Variants in PCED1B observed in about 807,000 individuals in gnomAD.
PCED1B encodes the protein PC-esterase domain-containing protein 1B.
For missense variants in PCED1B, 573 were observed against 573.9 expected (o/e 1.00, Z 0.02); for synonymous variants, 251 against 246.1 (o/e 1.02, Z -0.19).
intron 2 of PCED1B, among the ~76,000 whole-genome samples, chr12:47,194,679 T>C (rs1266559580): frequency 1.3e-5 from 2 of 152,212 alleles, no homozygotes; most frequent in African/African-American, 4.8e-5. Flanking sequence ...GTACTCCAGT[T>C]AATATCCTCA....
Position 47,236,042 on chromosome 12 carries a change from C to T in PCED1B, c.979C>T (p.His327Tyr). Residue 327 changes from histidine (H) to tyrosine (Y), a missense_variant, in exon 4 of 4, where the codon CAC (histidine) becomes TAC (tyrosine). By Grantham distance (83) the His-to-Tyr change is moderately conservative. Coordinates refer to ENST00000546455, the MANE Select transcript of PCED1B (RefSeq NM_138371.3). ...ACAGCCTCCTCCTCCCATTCTCCAT[C>T]ACCAGGGAATGCCCCGGTTCCCACA... ...SPQPPPPILH[H>Y]QGMPRFPQGP... is the part of the protein sequence containing the mutation. The T allele has an allele frequency of 2.5e-6, 4 of 1,614,004 alleles. No homozygotes were observed. Among genetic ancestry groups the T allele is most frequent in the African/African-American group, 1.3e-5 (1 of 75,006 alleles).
chr12:47,231,384 G>T lies in PCED1B; in HGVS notation c.-57-3623G>T, dbSNP rs55835639. 3.2e-5 allele frequency among the ~76,000 whole-genome samples: 4 copies of T among 124,018 alleles called. No homozygotes were observed. In the Admixed American group the frequency reaches 3.7e-4, roughly 11 times the overall value. The allele number at this position is 124,018 out of a possible 152,430, so 81.4% of individuals were successfully genotyped here. A position where few individuals can be genotyped will look rare whatever the true frequency, so the allele number is the denominator to read the frequency against. ...GGGGGTAGTAAATTCCAGGGGAGTC[G>T]CTAGGAGATAATTGGAGAGGGTGCT... On this transcript the variant is annotated intron_variant, in intron 3 of 3. Coordinates refer to ENST00000546455, the MANE Select transcript of PCED1B (RefSeq NM_138371.3).
intron 1 of PCED1B, among the ~76,000 whole-genome samples, chr12:47,082,701 G>T (rs1937802154): frequency 6.6e-6 from 1 of 152,114 alleles, no homozygotes; most frequent in Non-Finnish European, 1.5e-5. Context: ...CTATAACCCA[G>T]ATGGTAAACA....
Position 47,234,995 on chromosome 12 carries a change from C to T in PCED1B, c.-57-12C>T, listed in dbSNP as rs1943926730. 7.0e-7 allele frequency: 1 copy of T among 1,428,266 alleles called. No homozygotes were observed. The highest frequency in any genetic ancestry group is 9.4e-7 in the Non-Finnish European group (1 of 1,064,364). The allele number at this position is 1,428,266 out of a possible 1,614,324, so 88.5% of individuals were successfully genotyped here. A position where few individuals can be genotyped will look rare whatever the true frequency, so the allele number is the denominator to read the frequency against. ...GTGAGTCCCTCCCAGCCCTTCTCTC[C>T]TTCTGTCCTAGCCATCCGCAGAGCC... On this transcript the variant is annotated splice_polypyrimidine_tract_variant and intron_variant, in intron 3 of 3. Transcript: ENST00000546455.
At chr12:47,208,121 T>C (rs1201068266) in intron 2 of PCED1B, among the ~76,000 whole-genome samples, 3 of 152,218 alleles carry the variant, frequency 2.0e-5, no homozygotes, top group Admixed American at 2.0e-4. Context: ...GTCTTGATTC[T>C]GTGACTCCAC....
chr12:47,181,056 C>T (rs915603944), intron 2 of PCED1B, among the ~76,000 whole-genome samples: 1 of 151,578 alleles, frequency 6.6e-6, no homozygotes. Flanking sequence ...ACAATCATGG[C>T]TCACTACAGC....
intron 1 of PCED1B, among the ~76,000 whole-genome samples, chr12:47,099,870 G>A (rs1469727247): frequency 1.3e-5 from 2 of 152,160 alleles, no homozygotes; most frequent in African/African-American, 2.4e-5. Context: ...TCAGCCCACA[G>A]TTTCTCAGGC....
intron 2 of PCED1B, among the ~76,000 whole-genome samples, chr12:47,137,226 T>C (rs894356207): frequency 7.2e-5 from 11 of 152,224 alleles, no homozygotes; most frequent in Non-Finnish European, 1.6e-4. Flanking sequence ...CTTAATTTCA[T>C]TTTTTATTTC....
chr12:47,235,541 C>T lies in PCED1B; in HGVS notation c.478C>T (p.Leu160=). Residue 160 remains leucine, a synonymous_variant, in exon 4 of 4, where the codon CTG becomes TTG. Transcript: ENST00000546455. ...LGQVLPESCL[L]VWNTAMPVGE... The stretch of plus-strand genomic sequence containing the variant: ...CCAGGTGCTGCCCGAGTCTTGCCTC[C>T]TGGTGTGGAACACGGCCATGCCTGT... The T allele has an allele frequency of 6.2e-7, 1 of 1,611,142 alleles. No individual in the cohort carries two copies. Among genetic ancestry groups the T allele is most frequent in the Admixed American group, 1.7e-5 (1 of 59,860 alleles).
chr12:47,080,985 TG>T (rs1226377571), intron 1 of PCED1B, among the ~76,000 whole-genome samples: 2 of 152,184 alleles, frequency 1.3e-5, no homozygotes, highest in African/African-American at 4.8e-5. Flanking sequence ...CAGCGCGCTT[TG>T]GTTCAGCAAG....
chr12:47,172,774 C>A (rs889660791), intron 2 of PCED1B, among the ~76,000 whole-genome samples: 6 of 152,174 alleles, frequency 3.9e-5, no homozygotes, highest in Non-Finnish European at 7.3e-5. Flanking sequence ...ACCTCTCTTC[C>A]TTTCCTAGTG....
intron 2 of PCED1B, among the ~76,000 whole-genome samples, chr12:47,157,524 T>C (rs1313407980): frequency 6.6e-6 from 1 of 152,198 alleles, no homozygotes; most frequent in Non-Finnish European, 1.5e-5. Context: ...CAGTGAGCCA[T>C]GATAAAGCCA....
intron 1 of PCED1B, among the ~76,000 whole-genome samples, chr12:47,098,694 G>C (rs1384433131): frequency 6.6e-6 from 1 of 152,180 alleles, no homozygotes; most frequent in Non-Finnish European, 1.5e-5. Flanking sequence ...GTGTAAGCCA[G>C]GATGGTCTTG....
At chr12:47,094,437 A>G (rs1346304783) in intron 1 of PCED1B, among the ~76,000 whole-genome samples, 1 of 152,102 alleles carries the variant, frequency 6.6e-6, no homozygotes, top group South Asian at 2.1e-4. Flanking sequence ...TATAGCTACC[A>G]TCTTATTTTT....
In PCED1B at chr12:47,236,243, C is replaced by T; in HGVS notation, c.1180C>T (p.Pro394Ser). 2 of 1,614,180 alleles carry T rather than the reference C, an allele frequency of 1.2e-6. No individual in the cohort carries two copies. The highest frequency in any genetic ancestry group is 1.7e-6 in the Non-Finnish European group (2 of 1,180,030). ...FPTPRYQRPA[P>S]VVHRGFGRYR... ...CACACCCCGTTATCAGCGGCCTGCC[C>T]CAGTGGTACATAGGGGTTTTGGCAG... is the stretch of plus-strand genomic sequence containing the variant. Residue 394 changes from proline (P) to serine (S), a missense_variant, in exon 4 of 4, where the codon CCA (proline) becomes TCA (serine). Coordinates refer to ENST00000546455, the MANE Select transcript of PCED1B (RefSeq NM_138371.3).
At chr12:47,086,440 G>A (rs1042854346) in intron 1 of PCED1B, among the ~76,000 whole-genome samples, 39 of 150,598 alleles carry the variant, frequency 2.6e-4, no homozygotes, top group Non-Finnish European at 4.7e-4. Context: ...TCACTGGAAG[G>A]TTACAATTTC....
At chr12:47,084,995 T>G (rs1937911071) in intron 1 of PCED1B, among the ~76,000 whole-genome samples, 2 of 152,054 alleles carry the variant, frequency 1.3e-5, no homozygotes, top group South Asian at 4.2e-4. Context: ...GTTACAAAAA[T>G]TAGCCAGGCA....
intron 2 of PCED1B, among the ~76,000 whole-genome samples, chr12:47,131,712 A>G (rs1389678068): frequency 5.8e-5 from 8 of 136,902 alleles, no homozygotes; most frequent in African/African-American, 2.5e-4. Flanking sequence ...CTCTGCTGCC[A>G]GGCTGTAGTG....
At chr12:47,135,052 A>C (rs906911436) in intron 2 of PCED1B, among the ~76,000 whole-genome samples, 6 of 152,208 alleles carry the variant, frequency 3.9e-5, no homozygotes, top group African/African-American at 1.4e-4. Context: ...CAGTATTTGC[A>C]CCGATGGATT....
Sources: gnomAD v4.1 joint callset for allele counts (sites outside exome capture counted in the v4.1 genomes callset) on GRCh38, gnomAD v4.1.1 for gene constraint, MANE v1.5 for transcripts, NCBI Gene and HGNC (gene_info 2026-07-23, HGNC 2026-07-21) for gene names.